Variants in ZNRF3 observed in about 807,000 individuals in gnomAD.
ZNRF3 encodes the protein E3 ubiquitin-protein ligase ZNRF3.
Under a neutral mutation model 72.5 loss-of-function variants are expected in ZNRF3, and 23 were observed. The observed-to-expected ratio is 0.32, with a 90% CI of 0.23 to 0.45. The LOEUF is 0.45. Among genes scored for constraint, ZNRF3 ranks in the 20% least tolerant of loss-of-function variants. ZNRF3 has a pLI of 1.00. For synonymous variants in ZNRF3, 610 were observed against 545.3 expected (o/e 1.12, Z -1.65); for missense variants, 1,169 against 1,272.1 (o/e 0.92, Z 1.23).
At chr22:28,964,101 T>C (rs1284792430) in intron 1 of ZNRF3, among the ~76,000 whole-genome samples, 1 of 152,126 alleles carries the variant, frequency 6.6e-6, no homozygotes, top group African/African-American at 2.4e-5. Flanking sequence ...ACTCAGTTTT[T>C]AGAATGAGTA....
chr22:29,007,116 C>G (rs2036265444), intron 2 of ZNRF3, among the ~76,000 whole-genome samples: 1 of 152,126 alleles, frequency 6.6e-6, no homozygotes. Flanking sequence ...GAGGAGGGGA[C>G]AGAACGACTT....
chr22:29,007,747 TCTTC>T lies in ZNRF3; in HGVS notation c.426+20550_426+20553del, dbSNP rs1332108888. On this transcript the variant is annotated intron_variant, in intron 2 of 8. Transcript: ENST00000544604. Reference sequence around the variant, plus strand: ...TTGCCCCTTTCATAGAAATTCCATTTCTTCCTTTTTTTTTTTTTTTTTTTTTTGA... The same window carrying T: ...TTGCCCCTTTCATAGAAATTCCATTTCTTTTTTTTTTTTTTTTTTTTTTGA... Among the ~76,000 whole-genome samples the T allele has an allele frequency of 3.5e-4, 49 of 139,738 alleles. 6 individuals carry two copies. The highest frequency in any genetic ancestry group is 4.6e-4 in the South Asian group (2 of 4,358). The allele number at this position is 139,738 out of a possible 152,430, so 91.7% of individuals were successfully genotyped here.
intron 1 of ZNRF3, among the ~76,000 whole-genome samples, chr22:28,957,036 G>C (rs12170892): frequency 6.6e-6 from 1 of 152,244 alleles, no homozygotes; most frequent in Non-Finnish European, 1.5e-5. Flanking sequence ...CTATTGTGCA[G>C]AATGCAGGGC....
chr22:28,990,902 G>A (rs1241129995), intron 2 of ZNRF3, among the ~76,000 whole-genome samples: 1 of 152,002 alleles, frequency 6.6e-6, no homozygotes, highest in East Asian at 1.9e-4. Flanking sequence ...GCAAAGCCTG[G>A]TTGGCCCTGA....
chr22:28,883,728 C>T lies in ZNRF3; in HGVS notation c.-39C>T. The T allele has an allele frequency of 2.0e-6, 2 of 982,502 alleles. No homozygotes were observed. The highest frequency in any genetic ancestry group is 4.5e-5 in the South Asian group (1 of 22,010). 60.9% of individuals were successfully genotyped at this position (982,502 alleles called of 1,614,324 possible). A position where few individuals can be genotyped will look rare whatever the true frequency, so the allele number is the denominator to read the frequency against. On this transcript the variant is annotated 5_prime_UTR_variant, in exon 1 of 9. Transcript: ENST00000544604. The surrounding 1 kb of genome is among the most constrained non-coding windows in gnomAD (Gnocchi z 5.5). Reference sequence around the variant, plus strand: ...TCCTCAGCCGGCCCGCGACTATGCCCGGCCGCGCCCGCCCTCCGCGCCCTC... The same window carrying T: ...TCCTCAGCCGGCCCGCGACTATGCCTGGCCGCGCCCGCCCTCCGCGCCCTC...
In ZNRF3 at chr22:28,995,128, A is replaced by G. The variant is rs75487394; in HGVS notation, c.426+7927A>G. On this transcript the variant is annotated intron_variant, in intron 2 of 8. Coordinates refer to ENST00000544604, the MANE Select transcript of ZNRF3 (RefSeq NM_001206998.2). ...CATGACAAAGTGGATGGAGGATAGG[A>G]AAATCAAACTAATTGAAATCCAAGG... 6.3e-3 allele frequency among the ~76,000 whole-genome samples: 956 copies of G among 152,366 alleles called. 6 individuals carry two copies. Among genetic ancestry groups the G allele is most frequent in the Middle Eastern group, 0.024 (7 of 294 alleles).
At chr22:28,960,789 C>G (rs1008151516) in intron 1 of ZNRF3, among the ~76,000 whole-genome samples, 1 of 152,046 alleles carries the variant, frequency 6.6e-6, no homozygotes, top group African/African-American at 2.4e-5. Context: ...CTCATTCTTA[C>G]TTCCTCTTGG....
chr22:28,888,748 G>A (rs959516963), intron 1 of ZNRF3, among the ~76,000 whole-genome samples: 1 of 152,180 alleles, frequency 6.6e-6, no homozygotes, highest in African/African-American at 2.4e-5. Context: ...ATTTTACAGA[G>A]GAGAAAAACT....
chr22:29,017,232 A>T (rs1460148387), intron 2 of ZNRF3, among the ~76,000 whole-genome samples: 3 of 152,180 alleles, frequency 2.0e-5, no homozygotes, highest in African/African-American at 7.2e-5. Context: ...CTCTTGAAAA[A>T]TCAGAAGGTC....
chr22:28,956,238 C>T (rs913391533), intron 1 of ZNRF3, among the ~76,000 whole-genome samples: 3 of 151,718 alleles, frequency 2.0e-5, no homozygotes, highest in Non-Finnish European at 2.9e-5. Context: ...AGGCACTGGA[C>T]AGGCATGTAG....
chr22:28,976,791 C>A (rs2035682613), intron 1 of ZNRF3, among the ~76,000 whole-genome samples: 1 of 151,950 alleles, frequency 6.6e-6, no homozygotes, highest in Admixed American at 6.6e-5. Flanking sequence ...TGAGTCACTT[C>A]AAGAATGAAT....
intron 2 of ZNRF3, among the ~76,000 whole-genome samples, chr22:28,989,801 C>T (rs999801534): frequency 2.0e-5 from 3 of 152,148 alleles, no homozygotes; most frequent in African/African-American, 2.4e-5. Flanking sequence ...TTCACCTACC[C>T]GCGTACTTAC....
At chr22:28,969,142 CTT>C (rs927335735) in intron 1 of ZNRF3, among the ~76,000 whole-genome samples, 8 of 152,190 alleles carry the variant, frequency 5.3e-5, no homozygotes, top group Non-Finnish European at 8.8e-5. Flanking sequence ...CTAGCCCAAA[CTT>C]TGGTTTTAAG....
chr22:28,921,327 G>A (rs1444694499), intron 1 of ZNRF3, among the ~76,000 whole-genome samples: 1 of 151,974 alleles, frequency 6.6e-6, no homozygotes, highest in Non-Finnish European at 1.5e-5. Flanking sequence ...GCTTTTTACT[G>A]CTTATAGGAT....
At chr22:28,999,608 T>C (rs2036109111) in intron 2 of ZNRF3, among the ~76,000 whole-genome samples, 1 of 152,224 alleles carries the variant, frequency 6.6e-6, no homozygotes, top group South Asian at 2.1e-4. Flanking sequence ...CTGCTTTTTG[T>C]TCTCAAATAG....
intron 1 of ZNRF3, among the ~76,000 whole-genome samples, chr22:28,887,235 A>AGAGAGTGT (rs376319811): frequency 2.1e-5 from 2 of 93,170 alleles, no homozygotes; most frequent in Non-Finnish European, 2.3e-5. Flanking sequence ...AGAGAGAGAG[A>AGAGAGTGT]GTGTGTGTGT....
intron 1 of ZNRF3, among the ~76,000 whole-genome samples, chr22:28,909,716 G>T (rs1299326331): frequency 1.3e-5 from 2 of 150,442 alleles, no homozygotes; most frequent in Non-Finnish European, 2.9e-5. Flanking sequence ...GAGTAGCTGG[G>T]ACTATAGGCG....
At chr22:28,935,058 G>C (rs908423914) in intron 1 of ZNRF3, among the ~76,000 whole-genome samples, 1 of 152,168 alleles carries the variant, frequency 6.6e-6, no homozygotes, top group Non-Finnish European at 1.5e-5. Context: ...CCCCATCATG[G>C]CTTGTAATTC....
At chr22:28,929,329 A>G (rs2034664447) in intron 1 of ZNRF3, among the ~76,000 whole-genome samples, 2 of 152,104 alleles carry the variant, frequency 1.3e-5, no homozygotes, top group African/African-American at 2.4e-5. Context: ...CACTGATGCC[A>G]TTTGGAACTG....
Sources: allele counts gnomAD v4.1 joint callset (sites outside exome capture counted in the v4.1 genomes callset), GRCh38; gene constraint gnomAD v4.1.1; non-coding constraint Gnocchi (gnomAD v3.1); transcripts MANE v1.5; gene names NCBI Gene and HGNC (gene_info 2026-07-23, HGNC 2026-07-21).